The following GRM5 variants were observed in gnomAD, a reference collection of about 807,000 sequenced individuals.
GRM5 encodes metabotropic glutamate receptor 5.
A neutral mutation model predicts 83.1 loss-of-function variants in GRM5; 19 were observed. The observed-to-expected ratio is 0.23, with a 90% CI of 0.16 to 0.34. The LOEUF is 0.34. GRM5 is among the 10% of genes least tolerant of loss of function. GRM5 has a pLI of 1.00. For synonymous variants in GRM5, 675 were observed against 633.6 expected, an observed-to-expected ratio of 1.07 and a Z score of -0.98; for missense variants, 1,160 against 1,588.3, an observed-to-expected ratio of 0.73 and a Z score of 4.58.
chr11:88,846,744 A>G (rs1944309158), intron 3 of GRM5, among the ~76,000 whole-genome samples: 1 of 137,672 alleles, frequency 7.3e-6, no homozygotes, highest in African/African-American at 2.7e-5. Flanking sequence ...GAATTGGGGA[A>G]GAGAAGGAGC....
At chr11:88,857,157 T>A (rs1944491870) in intron 2 of GRM5, among the ~76,000 whole-genome samples, 1 of 152,078 alleles carries the variant, frequency 6.6e-6, no homozygotes, top group Admixed American at 6.6e-5. Context: ...TGTAACTATT[T>A]AGTATTTTAG....
chr11:88,942,265 T>C (rs545800244), intron 2 of GRM5, among the ~76,000 whole-genome samples: 3 of 152,178 alleles, frequency 2.0e-5, no homozygotes, highest in East Asian at 1.9e-4. Context: ...ACATTTATAG[T>C]GTATTTTCAA....
chr11:88,813,562 C>T (rs1472850205), intron 3 of GRM5, among the ~76,000 whole-genome samples: 1 of 152,110 alleles, frequency 6.6e-6, no homozygotes, highest in Non-Finnish European at 1.5e-5. Context: ...TCTAGTTTTC[C>T]CAGCTTCTTC....
intron 2 of GRM5, among the ~76,000 whole-genome samples, chr11:89,003,108 T>A (rs1258825850): frequency 6.6e-6 from 1 of 152,170 alleles, no homozygotes; most frequent in East Asian, 1.9e-4. Context: ...TTTTTCTTGG[T>A]TTGCTATGCT....
intron 3 of GRM5, among the ~76,000 whole-genome samples, chr11:88,793,000 T>A (rs1392845237): frequency 1.3e-5 from 2 of 152,134 alleles, no homozygotes; most frequent in African/African-American, 2.4e-5. Flanking sequence ...GTAATATGCA[T>A]CATCATGATC....
intron 2 of GRM5, among the ~76,000 whole-genome samples, chr11:88,893,358 A>G (rs1298442748): frequency 6.6e-6 from 1 of 152,032 alleles, no homozygotes; most frequent in Non-Finnish European, 1.5e-5. Context: ...GAGAAGTCAG[A>G]AGATTTGAGC....
At chr11:89,033,533 T>G (rs1430948670) in intron 2 of GRM5, among the ~76,000 whole-genome samples, 1 of 151,986 alleles carries the variant, frequency 6.6e-6, no homozygotes, top group Non-Finnish European at 1.5e-5. Flanking sequence ...TTTTTAAATT[T>G]TTCTTTTTTG....
chr11:89,000,721 A>T (rs1181564450), intron 2 of GRM5, among the ~76,000 whole-genome samples: 2 of 152,136 alleles, frequency 1.3e-5, no homozygotes, highest in African/African-American at 4.8e-5. Context: ...AAAATTAAAA[A>T]CTGCTCTGTA....
At chr11:88,637,886 C>T (rs1021925692) in intron 4 of GRM5, among the ~76,000 whole-genome samples, 2 of 149,988 alleles carry the variant, frequency 1.3e-5, no homozygotes, top group Admixed American at 6.7e-5. Context: ...TTCACAATAG[C>T]AAAGACTTGG....
intron 3 of GRM5, among the ~76,000 whole-genome samples, chr11:88,680,879 C>A (rs927727976): frequency 6.6e-6 from 1 of 152,096 alleles, no homozygotes; most frequent in Non-Finnish European, 1.5e-5. Context: ...GGAGGAGTAA[C>A]AATATGAGAT....
intron 3 of GRM5, among the ~76,000 whole-genome samples, chr11:88,691,069 A>G (rs1940770353): frequency 6.6e-6 from 1 of 152,200 alleles, no homozygotes; most frequent in African/African-American, 2.4e-5. Context: ...TGACACTTGA[A>G]GAGAGGGTGG....
chr11:89,057,880 ATTAT>A (rs1358186244), intron 1 of GRM5, among the ~76,000 whole-genome samples: 14 of 152,178 alleles, frequency 9.2e-5, no homozygotes, highest in Non-Finnish European at 2.9e-5. Context: ...ATGTATAATA[ATTAT>A]TTAATGTAAG....
At chr11:89,060,576 T>C (rs1404675785) in intron 1 of GRM5, among the ~76,000 whole-genome samples, 4 of 152,166 alleles carry the variant, frequency 2.6e-5, no homozygotes, top group African/African-American at 9.6e-5. Flanking sequence ...ATGCCTGACG[T>C]GCTTAATAAA....
chr11:88,713,348 C>T (rs1221110048), intron 3 of GRM5, among the ~76,000 whole-genome samples: 1 of 151,938 alleles, frequency 6.6e-6, no homozygotes, highest in African/African-American at 2.4e-5. Flanking sequence ...ACCTCCATTT[C>T]CATCATGTGT....
At chr11:88,942,728 G>C (rs1938154253) in intron 2 of GRM5, among the ~76,000 whole-genome samples, 1 of 132,112 alleles carries the variant, frequency 7.6e-6, no homozygotes, top group African/African-American at 2.6e-5. Context: ...AAATGACAGT[G>C]TTTAAATTAA....
chr11:88,963,593 G>A (rs2134989331), intron 2 of GRM5, among the ~76,000 whole-genome samples: 1 of 152,314 alleles, frequency 6.6e-6, no homozygotes, highest in East Asian at 1.9e-4. Flanking sequence ...CAGAATTATA[G>A]GATGGAAAAA....
At chr11:88,639,919 G>A (rs949534079) in intron 4 of GRM5, among the ~76,000 whole-genome samples, 1 of 152,038 alleles carries the variant, frequency 6.6e-6, no homozygotes, top group African/African-American at 2.4e-5. Flanking sequence ...TTTTGACAGT[G>A]GATATTCATC....
At chr11:88,677,281 T>C (rs77090781) in intron 3 of GRM5, among the ~76,000 whole-genome samples, 172 of 152,216 alleles carry the variant, frequency 1.1e-3, no homozygotes, top group African/African-American at 4.0e-3. Context: ...TGTCCTCTCC[T>C]GTAGTAAATT....
At chr11:88,753,051 A>C (rs116649707) in intron 3 of GRM5, among the ~76,000 whole-genome samples, 3,853 of 152,242 alleles carry the variant, frequency 0.025, 171 homozygotes, top group African/African-American at 0.088. Flanking sequence ...GCATGAGCAA[A>C]TATTTCATGA....
Sources: gnomAD v4.1 joint callset for allele counts (sites outside exome capture counted in the v4.1 genomes callset) on GRCh38, gnomAD v4.1.1 for gene constraint, MANE v1.5 for transcripts, NCBI Gene and HGNC (gene_info 2026-07-23, HGNC 2026-07-21) for gene names.